FBLN1: variants seen among roughly 807,000 people sequenced by gnomAD.
The protein encoded by FBLN1 is fibulin 1, also known as fibulin-1.
Under a neutral mutation model 89.7 loss-of-function variants are expected in FBLN1, and 34 were observed. That is an observed-to-expected ratio of 0.38 (90% CI 0.29 to 0.50). The LOEUF (loss-of-function observed/expected upper bound fraction) is 0.50. Ranked by LOEUF, FBLN1 falls within the 20% of genes least tolerant of loss-of-function variation. FBLN1 has a pLI of 0.92. For missense variants in FBLN1, 777 were observed against 988.1 expected (o/e 0.79, Z 2.86); for synonymous variants, 393 against 391.3 (o/e 1.00, Z -0.05).
chr22:45,586,118 C>G (rs879813292), intron 16 of FBLN1, among the ~76,000 whole-genome samples: 1 of 152,222 alleles, frequency 6.6e-6, no homozygotes, highest in South Asian at 2.1e-4. Context: ...CCTCCCTGCT[C>G]AGTGGGTGGC....
intron 1 of FBLN1, among the ~76,000 whole-genome samples, chr22:45,505,005 C>T (rs910002747): frequency 1.3e-5 from 2 of 152,338 alleles, no homozygotes; most frequent in Non-Finnish European, 2.9e-5. Flanking sequence ...CAAGTGGCAC[C>T]GCCCCTGCTC....
Position 45,600,543 on chromosome 22 carries a change from A to G in FBLN1, c.*97A>G. ...CTTGTTTATACCCTCAGACTTTTTTAATGTTAGGTATTTGTAGCATTAGGC... is the reference window on the plus strand; with the variant it reads ...CTTGTTTATACCCTCAGACTTTTTTGATGTTAGGTATTTGTAGCATTAGGC... On this transcript the variant is annotated 3_prime_UTR_variant, in exon 17 of 17. Coordinates refer to ENST00000327858, the MANE Select transcript of FBLN1 (RefSeq NM_006486.3). 2 of 1,401,136 alleles carry G rather than the reference A, an allele frequency of 1.4e-6. No individual in the cohort carries two copies. Among genetic ancestry groups the G allele is most frequent in the Non-Finnish European group, 1.0e-6 (1 of 987,408 alleles). 86.8% of individuals were successfully genotyped at this position (1,401,136 alleles called of 1,614,324 possible). A position where few individuals can be genotyped will look rare whatever the true frequency, so the allele number is the denominator to read the frequency against.
chr22:45,517,955 AC>A (rs2088191821), intron 1 of FBLN1, among the ~76,000 whole-genome samples: 1 of 151,854 alleles, frequency 6.6e-6, no homozygotes, highest in African/African-American at 2.4e-5. Flanking sequence ...ACATGGTGAA[AC>A]CCCATCTCTA....
At position 45,530,203 on chromosome 22, in the gene FBLN1, G is replaced by A. The variant is rs1412950754; in HGVS notation, c.485-1062G>A. Among the ~76,000 whole-genome samples, 1 of 151,898 alleles carries A rather than the reference G, an allele frequency of 6.6e-6. No individual in the cohort carries two copies. Among genetic ancestry groups the A allele is most frequent in the Non-Finnish European group, 1.5e-5 (1 of 68,004 alleles). On this transcript the variant is annotated intron_variant, in intron 4 of 16. Transcript: ENST00000327858. This position sits in a 1 kb window ranked among gnomAD's most constrained non-coding sequence, Gnocchi z 5.4. Reference sequence around the variant, plus strand: ...TTCCTTGGCTTTTGAAATCAGAGACGACATTTTCACTTTAAACAAACCCAA... The same window carrying A: ...TTCCTTGGCTTTTGAAATCAGAGACAACATTTTCACTTTAAACAAACCCAA...
chr22:45,533,874 C>T lies in FBLN1; in HGVS notation c.760C>T (p.Leu254Phe). 4 of 1,614,130 alleles carry T rather than the reference C, an allele frequency of 2.5e-6. No individual in the cohort carries two copies. The highest frequency in any genetic ancestry group is 3.4e-6 in the Non-Finnish European group (4 of 1,180,018). The change falls in exon 7 of 17, where the codon CTC becomes TTC. Residue 254 changes from leucine to phenylalanine, a missense_variant. Leu to Phe is a conservative substitution (Grantham distance 22). Coordinates refer to ENST00000327858, the MANE Select transcript of FBLN1 (RefSeq NM_006486.3). ...RDSSCGTGYE[L>F]TEDNSCKDID... The stretch of plus-strand genomic sequence containing the variant: ...CAGCAGCTGCGGGACTGGCTATGAG[C>T]TCACAGAGGACAATAGCTGCAAAGG...
rs1213140458 is a variant in FBLN1 at position 45,578,933 on chromosome 22, C to G, written c.1972+1825C>G. On this transcript the variant is annotated intron_variant, in intron 16 of 16. Transcript: ENST00000327858. The surrounding 1 kb of genome is among the most constrained non-coding windows in gnomAD (Gnocchi z 4.6). Reference sequence around the variant, plus strand: ...CACATAGCCCCTGAGGACTTTGCATCTCAGCAGCAGGGAGAAGCCACCCCG... The same window carrying G: ...CACATAGCCCCTGAGGACTTTGCATGTCAGCAGCAGGGAGAAGCCACCCCG... 6.6e-6 allele frequency among the ~76,000 whole-genome samples: 1 copy of G among 152,230 alleles called. No homozygotes were observed. Among genetic ancestry groups the G allele is most frequent in the Admixed American group, 6.5e-5 (1 of 15,286 alleles).
At chr22:45,517,010 A>G (rs75127916) in intron 1 of FBLN1, among the ~76,000 whole-genome samples, 18,179 of 152,304 alleles carry the variant, frequency 0.12, 1,593 homozygotes, top group African/African-American at 0.25. Flanking sequence ...GGGATGGAGC[A>G]TCTGAAGGAC....
At chr22:45,528,545 A>ATGT (rs1398797605) in intron 4 of FBLN1, among the ~76,000 whole-genome samples, 1 of 152,014 alleles carries the variant, frequency 6.6e-6, no homozygotes, top group African/African-American at 2.4e-5. Context: ...GGGTTTCACC[A>ATGT]TGTTGGCCAG....
intron 1 of FBLN1, among the ~76,000 whole-genome samples, chr22:45,510,252 G>A (rs2088081334): frequency 6.6e-6 from 1 of 152,174 alleles, no homozygotes; most frequent in East Asian, 1.9e-4. Flanking sequence ...CAGTATTGTA[G>A]ATGGAATCGG....
chr22:45,507,238 G>T (rs930481904), intron 1 of FBLN1, among the ~76,000 whole-genome samples: 39 of 152,302 alleles, frequency 2.6e-4, no homozygotes, highest in African/African-American at 8.4e-4. Context: ...GTGGGAGGGA[G>T]CGAGGCACCA....
rs146880350 is a variant in FBLN1 at position 45,514,813 on chromosome 22, A to G, written c.80-3869A>G. 6.9e-3 allele frequency among the ~76,000 whole-genome samples: 1,056 copies of G among 152,288 alleles called. 8 individuals are homozygous for G. Among genetic ancestry groups the G allele is most frequent in the Middle Eastern group, 0.054 (16 of 294 alleles). On this transcript the variant is annotated intron_variant, in intron 1 of 16. Coordinates refer to ENST00000327858, the MANE Select transcript of FBLN1 (RefSeq NM_006486.3). Reference sequence around the variant, plus strand: ...CTGGCCCCGAAGGAGGTTTTAATTCAGGAGGAGCAAGAAAGAACAGTGTTG... The same window carrying G: ...CTGGCCCCGAAGGAGGTTTTAATTCGGGAGGAGCAAGAAAGAACAGTGTTG...
At chr22:45,573,085 G>T (rs2088963808) in intron 14 of FBLN1, among the ~76,000 whole-genome samples, 1 of 152,030 alleles carries the variant, frequency 6.6e-6, no homozygotes, top group African/African-American at 2.4e-5. Context: ...AATTAGCCAG[G>T]CATGATGGTG....
At chr22:45,596,136 C>T (rs960994440) in intron 16 of FBLN1, among the ~76,000 whole-genome samples, 11 of 152,252 alleles carry the variant, frequency 7.2e-5, no homozygotes, top group Middle Eastern at 3.4e-3. Flanking sequence ...CCCAAAGTGC[C>T]GGGATCACAG....
rs777876111 is a variant in FBLN1, at chr22:45,581,222, C to T, written c.1972+4114C>T. Among the ~76,000 whole-genome samples the T allele has an allele frequency of 7.2e-5, 11 of 152,270 alleles. No individual in the cohort carries two copies. Among genetic ancestry groups the T allele is most frequent in the African/African-American group, 2.2e-4 (9 of 41,558 alleles). On this transcript the variant is annotated intron_variant, in intron 16 of 16. Coordinates refer to ENST00000327858, the MANE Select transcript of FBLN1 (RefSeq NM_006486.3). The surrounding 1 kb of genome is among the most constrained non-coding windows in gnomAD (Gnocchi z 7.6). Reference sequence around the variant, plus strand: ...GACAGAAAGGCAACTCGAGGCCACCCGGGCTCCCCGGGCCCCTGGGCTATG... The same window carrying T: ...GACAGAAAGGCAACTCGAGGCCACCTGGGCTCCCCGGGCCCCTGGGCTATG...
chr22:45,558,348 T>C (rs1254811204), intron 14 of FBLN1: 4 of 293,274 alleles, frequency 1.4e-5, no homozygotes, highest in Non-Finnish European at 2.6e-5. Flanking sequence ...GAGTCAAACA[T>C]TCAGTTTCCA....
chr22:45,511,145 C>T (rs1221396311), intron 1 of FBLN1, among the ~76,000 whole-genome samples: 1 of 145,548 alleles, frequency 6.9e-6, no homozygotes, highest in Non-Finnish European at 1.5e-5. Flanking sequence ...ATTATCTCAT[C>T]AATCTTCCCC....
rs757300972 is a variant in FBLN1, at chr22:45,577,201, C to T, written c.1972+93C>T. 111 of 1,447,004 alleles carry T rather than the reference C, an allele frequency of 7.7e-5. No homozygotes were observed. Among genetic ancestry groups the T allele is most frequent in the Non-Finnish European group, 1.0e-4 (107 of 1,045,132 alleles). The allele number at this position is 1,447,004 out of a possible 1,614,324, so 89.6% of individuals were successfully genotyped here. On this transcript the variant is annotated intron_variant, in intron 16 of 16. Transcript: ENST00000327858. The surrounding 1 kb of genome is among the most constrained non-coding windows in gnomAD (Gnocchi z 6.6). ...CCAGCCCAACTCCCATCTGAGTCCC[C>T]TCCCCAAATTCAAGCCCACCCAACC...
At chr22:45,591,738 C>T (rs1421488387) in intron 16 of FBLN1, among the ~76,000 whole-genome samples, 1 of 152,036 alleles carries the variant, frequency 6.6e-6, no homozygotes, top group Non-Finnish European at 1.5e-5. Flanking sequence ...CTGTTTTTGC[C>T]GTGTGTTTAT....
intron 1 of FBLN1, among the ~76,000 whole-genome samples, chr22:45,511,130 C>T (rs1208493578): frequency 6.6e-6 from 1 of 151,086 alleles, no homozygotes; most frequent in East Asian, 2.0e-4. Flanking sequence ...AAGCACTTTT[C>T]CTGGATTATC....
Sources: allele counts gnomAD v4.1 joint callset (sites outside exome capture counted in the v4.1 genomes callset), GRCh38; gene constraint gnomAD v4.1.1; non-coding constraint Gnocchi (gnomAD v3.1); transcripts MANE v1.5; gene names NCBI Gene and HGNC (gene_info 2026-07-23, HGNC 2026-07-21).